Variants in CLMP observed in about 807,000 individuals in gnomAD.
CLMP encodes the protein CXADR like cell adhesion molecule.
Under a neutral mutation model 45.2 loss-of-function variants are expected in CLMP, and 27 were observed. The observed-to-expected ratio is 0.60, with a 90% CI of 0.44 to 0.82. The LOEUF is 0.82. Ranked by LOEUF, CLMP falls within the 40% of genes least tolerant of loss-of-function variation. The pLI is 0.00. For missense variants in CLMP, 403 were observed against 448.4 expected (o/e 0.90, Z 0.91); for synonymous variants, 167 against 171.4 (o/e 0.97, Z 0.20).
chr11:123,119,179 G>A (rs1860777414), intron 1 of CLMP, among the ~76,000 whole-genome samples: 1 of 151,132 alleles, frequency 6.6e-6, no homozygotes, highest in African/African-American at 2.4e-5. Context: ...CACCTCCCGG[G>A]ATCAAGCGAT....
intron 1 of CLMP, among the ~76,000 whole-genome samples, chr11:123,172,685 C>T (rs1053508866): frequency 2.0e-5 from 3 of 151,814 alleles, no homozygotes; most frequent in Non-Finnish European, 4.4e-5. Flanking sequence ...AGGTTTTAGC[C>T]GTGTTGCCCA....
In CLMP at chr11:123,088,004, G is replaced by A. The variant is rs534089890; in HGVS notation, c.187-3291C>T. On this transcript the variant is annotated intron_variant, in intron 2 of 6. Transcript: ENST00000448775. Reference sequence around the variant, plus strand: ...TGGCTCACCACAACCTCCGCCTCCCGGGTTCAAGTGATTCTCCTGCCTCAG... The same window carrying A: ...TGGCTCACCACAACCTCCGCCTCCCAGGTTCAAGTGATTCTCCTGCCTCAG... 1.1e-4 allele frequency among the ~76,000 whole-genome samples: 16 copies of A among 150,650 alleles called. No homozygotes were observed. In the East Asian group the frequency reaches 3.3e-3, roughly 31 times the overall value.
At chr11:123,146,356 T>C (rs1338852584) in intron 1 of CLMP, among the ~76,000 whole-genome samples, 1 of 152,188 alleles carries the variant, frequency 6.6e-6, no homozygotes. Flanking sequence ...AGATTACCCA[T>C]GCAAAGTGTC....
intron 1 of CLMP, among the ~76,000 whole-genome samples, chr11:123,176,563 A>T (rs1300918043): frequency 6.6e-6 from 1 of 152,142 alleles, no homozygotes; most frequent in East Asian, 1.9e-4. Context: ...TTCCACCCCC[A>T]TGCTGGTAAC....
At chr11:123,089,980 C>T (rs1287689470) in intron 2 of CLMP, among the ~76,000 whole-genome samples, 1 of 146,758 alleles carries the variant, frequency 6.8e-6, no homozygotes, top group Non-Finnish European at 1.5e-5. Flanking sequence ...TGCCTGTAAT[C>T]CCAGCTACTC....
At chr11:123,183,454 C>T (rs1185728078) in intron 1 of CLMP, among the ~76,000 whole-genome samples, 1 of 152,066 alleles carries the variant, frequency 6.6e-6, no homozygotes, top group Admixed American at 6.6e-5. Context: ...TGGTCTCGAA[C>T]TCCTGACCTC....
chr11:123,172,270 C>A (rs1416094748), intron 1 of CLMP, among the ~76,000 whole-genome samples: 3 of 152,012 alleles, frequency 2.0e-5, no homozygotes, highest in Non-Finnish European at 4.4e-5. Flanking sequence ...CACCACCACG[C>A]CTGGCTAATT....
At chr11:123,084,836 T>C in intron 2 of CLMP, 123 bp from the exon 3 acceptor site, 1 of 733,298 alleles carries the variant, frequency 1.4e-6, no homozygotes, top group Non-Finnish European at 2.3e-6. Flanking sequence ...GGGCTGAGAG[T>C]CCAAGAGACC....
At chr11:123,105,878 G>A (rs1169388351) in intron 1 of CLMP, among the ~76,000 whole-genome samples, 9 of 149,208 alleles carry the variant, frequency 6.0e-5, no homozygotes, top group South Asian at 2.1e-4. Context: ...GTACAGTAGC[G>A]CAATCTCAGC....
chr11:123,173,432 C>T (rs866823268), intron 1 of CLMP, among the ~76,000 whole-genome samples: 3 of 152,134 alleles, frequency 2.0e-5, no homozygotes, highest in South Asian at 2.1e-4. Context: ...AGATGTGGGC[C>T]GACATTCCTT....
At chr11:123,155,753 A>T (rs771659857) in intron 1 of CLMP, among the ~76,000 whole-genome samples, 6 of 152,130 alleles carry the variant, frequency 3.9e-5, no homozygotes, top group Non-Finnish European at 7.3e-5. Context: ...AATAAGACTG[A>T]GCTTTGTAAC....
Position 123,191,129 on chromosome 11 carries a change from A to G in CLMP, c.28+3784T>C, listed in dbSNP as rs539226472. ...TTTGTGATTTTCATCAGATTCTACA[A>G]AGGGTCTGGGACTCAAAATTTTAAG... On this transcript the variant is annotated intron_variant, in intron 1 of 6. Coordinates refer to ENST00000448775, the MANE Select transcript of CLMP (RefSeq NM_024769.5). 2.6e-4 allele frequency among the ~76,000 whole-genome samples: 39 copies of G among 152,316 alleles called. No individual in the cohort carries two copies. The South Asian group carries it at 7.9e-3, about 31-fold the overall frequency.
chr11:123,070,412 A>ATT lies in CLMP; in HGVS notation c.*3061_*3062insAA, dbSNP rs1290523506. ...CTTTGAATTTCTCAGCTCTTAGTGTAATCTGTTTTATGTGTTTGTTGTAGA... is the reference window on the plus strand; with the variant it reads ...CTTTGAATTTCTCAGCTCTTAGTGTATTATCTGTTTTATGTGTTTGTTGTAGA... On this transcript the variant is annotated 3_prime_UTR_variant, in exon 7 of 7. Coordinates refer to ENST00000448775, the MANE Select transcript of CLMP (RefSeq NM_024769.5). 6.6e-6 allele frequency: 1 copy of ATT among 152,158 alleles called. No homozygotes were observed. The highest frequency in any genetic ancestry group is 1.5e-5 in the Non-Finnish European group (1 of 68,024). The allele number at this position is 152,158 out of a possible 1,614,324, so 9.4% of individuals were successfully genotyped here.
chr11:123,137,007 G>T (rs975619460), intron 1 of CLMP, among the ~76,000 whole-genome samples: 1 of 151,916 alleles, frequency 6.6e-6, no homozygotes, highest in African/African-American at 2.4e-5. Flanking sequence ...TTCCAAACTG[G>T]GTATGTAAAC....
At chr11:123,114,642 G>C (rs1205739758) in intron 1 of CLMP, among the ~76,000 whole-genome samples, 1 of 151,874 alleles carries the variant, frequency 6.6e-6, no homozygotes, top group Non-Finnish European at 1.5e-5. Flanking sequence ...TGTCCTACAT[G>C]ATAAAAATCA....
At chr11:123,143,665 C>G (rs1861197289) in intron 1 of CLMP, among the ~76,000 whole-genome samples, 1 of 152,216 alleles carries the variant, frequency 6.6e-6, no homozygotes, top group Non-Finnish European at 1.5e-5. Flanking sequence ...CTCACATCCT[C>G]ACAGATTAAG....
rs149806273 is a variant in CLMP at position 123,128,068 on chromosome 11, C to A, written c.29-30116G>T. ...AAAAAAAAAAAGGTAATACATCAGA[C>A]CAAGTAGGTTTTATCCTCAGAATAT... On this transcript the variant is annotated intron_variant, in intron 1 of 6. Coordinates refer to ENST00000448775, the MANE Select transcript of CLMP (RefSeq NM_024769.5). 8.8e-3 allele frequency among the ~76,000 whole-genome samples: 1,305 copies of A among 147,990 alleles called. 8 individuals are homozygous for A. Among genetic ancestry groups the A allele is most frequent in the Non-Finnish European group, 0.012 (783 of 67,284 alleles).
chr11:123,110,432 T>C (rs1860622278), intron 1 of CLMP, among the ~76,000 whole-genome samples: 2 of 144,564 alleles, frequency 1.4e-5, no homozygotes, highest in Admixed American at 7.1e-5. Flanking sequence ...CCAGCCTGGG[T>C]GACAGAGCGA....
intron 1 of CLMP, among the ~76,000 whole-genome samples, chr11:123,139,868 A>G (rs1319670391): frequency 6.6e-6 from 1 of 152,028 alleles, no homozygotes; most frequent in African/African-American, 2.4e-5. Context: ...AATAAAAAAT[A>G]TAAAATAAAA....
Sources: allele counts gnomAD v4.1 joint callset (sites outside exome capture counted in the v4.1 genomes callset), GRCh38; gene constraint gnomAD v4.1.1; transcripts MANE v1.5; gene names NCBI Gene and HGNC (gene_info 2026-07-23, HGNC 2026-07-21).